NSMF: variants seen among roughly 807,000 people sequenced by gnomAD.
NSMF encodes NMDA receptor synaptonuclear signaling and neuronal migration factor.
A neutral mutation model predicts 71.0 loss-of-function variants in NSMF; 31 were observed. That is an observed-to-expected ratio of 0.44 (90% CI 0.33 to 0.59). NSMF has a LOEUF of 0.59. Ranked by LOEUF, NSMF falls within the 20% of genes least tolerant of loss-of-function variation. The pLI is 0.04. For synonymous variants in NSMF, 345 were observed against 287.1 expected (o/e 1.20, Z -2.04); for missense variants, 673 against 740.5 (o/e 0.91, Z 1.06).
rs1323533833 is a variant in NSMF at position 137,453,441 on chromosome 9, C to A, written c.923-261G>T. On this transcript the variant is annotated intron_variant, in intron 8 of 15. Transcript: ENST00000371475. This position sits in a 1 kb window ranked among gnomAD's most constrained non-coding sequence, Gnocchi z 4.5. ...ATCAGCTCCAGCCAAGTCCGCCGGG[C>A]GCCTGGGAGGGAGTGGGGGCGGGCA... 1.6e-6 allele frequency: 1 copy of A among 606,906 alleles called. No homozygotes were observed. Among genetic ancestry groups the A allele is most frequent in the South Asian group, 2.0e-5 (1 of 50,666 alleles). 37.6% of individuals were successfully genotyped at this position (606,906 alleles called of 1,614,324 possible). A position where few individuals can be genotyped will look rare whatever the true frequency, so the allele number is the denominator to read the frequency against.
rs761298758 is a variant in NSMF at position 137,453,687 on chromosome 9, G to A, written c.922+44C>T. 1 of 1,506,174 alleles carries A rather than the reference G, an allele frequency of 6.6e-7. No homozygotes were observed. The highest frequency in any genetic ancestry group is 9.0e-7 in the Non-Finnish European group (1 of 1,106,378). The allele number at this position is 1,506,174 out of a possible 1,614,324, so 93.3% of individuals were successfully genotyped here. On this transcript the variant is annotated intron_variant, in intron 8 of 15. Coordinates refer to ENST00000371475, the MANE Select transcript of NSMF (RefSeq NM_001130969.3). The surrounding 1 kb of genome is among the most constrained non-coding windows in gnomAD (Gnocchi z 4.5). ...CCCCCAGCAGGGGTCTGGGGTCTAG[G>A]GGAGGCTCTGGGGAAGGTGGGCGGG... is the stretch of plus-strand genomic sequence containing the variant.
In NSMF at chr9:137,453,342, T is replaced by G; in HGVS notation, c.923-162A>C. 2 of 939,458 alleles carry G rather than the reference T, an allele frequency of 2.1e-6. No individual in the cohort carries two copies. Among genetic ancestry groups the G allele is most frequent in the Admixed American group, 4.4e-5 (2 of 45,008 alleles). The allele number at this position is 939,458 out of a possible 1,614,324, so 58.2% of individuals were successfully genotyped here. On this transcript the variant is annotated intron_variant, in intron 8 of 15. Transcript: ENST00000371475. This position sits in a 1 kb window ranked among gnomAD's most constrained non-coding sequence, Gnocchi z 4.5. ...CCGCCAGCCCGGCAGGACAGGCCTG[T>G]GGACACCACTGGGCAGCGGCCTGAT...
At chr9:137,456,204 G>A (rs989634788) in intron 4 of NSMF, among the ~76,000 whole-genome samples, 6 of 147,690 alleles carry the variant, frequency 4.1e-5, no homozygotes, top group Non-Finnish European at 5.9e-5. Context: ...GACTGTGTGT[G>A]TGTGGGGGGG....
Position 137,458,469 on chromosome 9 carries a change from C to A in NSMF, c.133+19G>T, listed in dbSNP as rs1032337115. On this transcript the variant is annotated intron_variant, in intron 2 of 15. Coordinates refer to ENST00000371475, the MANE Select transcript of NSMF (RefSeq NM_001130969.3). ...CTGGGGGGTCTGGGCGGCCCTGGCACGGCCTCGCGTGCCCCTACCTGCGCC... is the reference window on the plus strand; with the variant it reads ...CTGGGGGGTCTGGGCGGCCCTGGCAAGGCCTCGCGTGCCCCTACCTGCGCC... 5 of 1,568,090 alleles carry A rather than the reference C, an allele frequency of 3.2e-6. No individual in the cohort carries two copies. Among genetic ancestry groups the A allele is most frequent in the African/African-American group, 1.4e-5 (1 of 73,874 alleles).
rs531589447 is a variant in NSMF at position 137,458,293 on chromosome 9, G to A, written c.133+195C>T. On this transcript the variant is annotated intron_variant, in intron 2 of 15. Coordinates refer to ENST00000371475, the MANE Select transcript of NSMF (RefSeq NM_001130969.3). ...TGCCAACGGCCCAGGCGGGGTGGGTGCCATGGTGACGAGCGGCTGGGAACT... is the reference window on the plus strand; with the variant it reads ...TGCCAACGGCCCAGGCGGGGTGGGTACCATGGTGACGAGCGGCTGGGAACT... 6.7e-4 allele frequency among the ~76,000 whole-genome samples: 102 copies of A among 152,308 alleles called. 1 individual carries two copies. The highest frequency in any genetic ancestry group is 4.4e-3 in the Admixed American group (67 of 15,308).
At position 137,459,331 on chromosome 9, in the gene NSMF, A is replaced by T. The variant is rs28624979; in HGVS notation, c.-229T>A. Reference sequence around the variant, plus strand: ...GCCGCTCCCGGGAGAGCGCTGCCCGAACCGAGGGCCGGCCCCGCCCATCGT... The same window carrying T: ...GCCGCTCCCGGGAGAGCGCTGCCCGTACCGAGGGCCGGCCCCGCCCATCGT... On this transcript the variant is annotated 5_prime_UTR_variant, in exon 1 of 16. Coordinates refer to ENST00000371475, the MANE Select transcript of NSMF (RefSeq NM_001130969.3). The T allele has an allele frequency of 6.0e-6, 1 of 165,964 alleles. No homozygotes were observed. The highest frequency in any genetic ancestry group is 6.5e-5 in the Admixed American group (1 of 15,462). 10.3% of individuals were successfully genotyped at this position (165,964 alleles called of 1,614,324 possible). A position where few individuals can be genotyped will look rare whatever the true frequency, so the allele number is the denominator to read the frequency against.
intron 9 of NSMF, 114 bp downstream of exon 9, chr9:137,452,942 C>A: frequency 6.4e-7 from 1 of 1,571,302 alleles, no homozygotes; most frequent in Non-Finnish European, 8.7e-7. Flanking sequence ...TGTGAGACAC[C>A]CTCCCCCAGG....
Position 137,449,844 on chromosome 9 carries a change from G to A in NSMF, c.1419+79C>T, listed in dbSNP as rs1839826506. 8.6e-6 allele frequency: 12 copies of A among 1,402,120 alleles called. No homozygotes were observed. In the South Asian group the frequency reaches 1.3e-4, roughly 15 times the overall value. 86.9% of individuals were successfully genotyped at this position (1,402,120 alleles called of 1,614,324 possible). On this transcript the variant is annotated intron_variant, in intron 14 of 15. Coordinates refer to ENST00000371475, the MANE Select transcript of NSMF (RefSeq NM_001130969.3). ...CCGGGGGAAGGAAAAAAAATGCCAG[G>A]AAACATGGAAGGCTCTGCCCTGTCT...
chr9:137,452,303 T>G, intron 12 of NSMF, 62 bp downstream of exon 12: 3 of 1,100,148 alleles, frequency 2.7e-6, no homozygotes, highest in Non-Finnish European at 3.7e-6. Flanking sequence ...CTTCTTCCCC[T>G]TGGTCTTCCC....
rs922856223 is a variant in NSMF at position 137,449,220 on chromosome 9, G to A, written c.*174C>T. On this transcript the variant is annotated 3_prime_UTR_variant, in exon 16 of 16. Transcript: ENST00000371475. ...CAGGGACTGCAGCCTCTGCGGCCAC[G>A]GGTGCAGCGAGGACCGGAACCCACA... The A allele has an allele frequency of 1.8e-4, 113 of 636,518 alleles. No homozygotes were observed. The East Asian group carries it at 3.0e-3, about 17-fold the overall frequency. 39.4% of individuals were successfully genotyped at this position (636,518 alleles called of 1,614,324 possible).
intron 1 of NSMF, 76 bp from the exon 2 acceptor site, chr9:137,458,625 G>T: frequency 7.2e-7 from 1 of 1,390,348 alleles, no homozygotes; most frequent in Non-Finnish European, 9.9e-7. Flanking sequence ...AGAGCCGGGG[G>T]TCCGGTCCCC....
rs1314912555 is a variant in NSMF, at chr9:137,457,737, G to C, written c.298C>G (p.Arg100Gly). 4 of 1,557,564 alleles carry C rather than the reference G, an allele frequency of 2.6e-6. No individual in the cohort carries two copies. In the South Asian group the frequency reaches 3.5e-5, roughly 14 times the overall value. Residue 100 changes from arginine to glycine, a missense_variant, in exon 3 of 16, where the codon CGA becomes GGA. Physicochemically the swap from Arg to Gly is moderately radical, Grantham distance 125. Coordinates refer to ENST00000371475, the MANE Select transcript of NSMF (RefSeq NM_001130969.3). ...RKPAGEGPQP[R>G]VYTISGEPAL... is the part of the protein sequence containing the mutation. ...GGCTCCCCAGAGATGGTGTACACTC[G>C]AGGCTGAGGGCCCTCGCCTGCGGGC... is the stretch of plus-strand genomic sequence containing the variant.
At position 137,459,217 on chromosome 9, in the gene NSMF, C is replaced by T. The variant is rs1378130358; in HGVS notation, c.-115G>A. On this transcript the variant is annotated 5_prime_UTR_variant, in exon 1 of 16. Coordinates refer to ENST00000371475, the MANE Select transcript of NSMF (RefSeq NM_001130969.3). ...GCTCGGGCTCGGGCTCGGGGTCTCGCTCGGGCTCCGGCTCGGGCTTGGGCT... is the reference window on the plus strand; with the variant it reads ...GCTCGGGCTCGGGCTCGGGGTCTCGTTCGGGCTCCGGCTCGGGCTTGGGCT... 3 of 770,380 alleles carry T rather than the reference C, an allele frequency of 3.9e-6. No homozygotes were observed. Among genetic ancestry groups the T allele is most frequent in the African/African-American group, 3.8e-5 (2 of 53,134 alleles). 47.7% of individuals were successfully genotyped at this position (770,380 alleles called of 1,614,324 possible).
chr9:137,453,803 C>G lies in NSMF; in HGVS notation c.850G>C (p.Glu284Gln), dbSNP rs1477685228. Reference sequence around the variant, plus strand: ...CTCCAGGACCGGCTGAAGCTCCGCTCGCGCCGCTCAGCGAACGCTGCAGAG... The same window carrying G: ...CTCCAGGACCGGCTGAAGCTCCGCTGGCGCCGCTCAGCGAACGCTGCAGAG... ...VKAQTFAERR[E>Q]RSFSRSWSDP... The change falls in exon 8 of 16, where the codon GAG becomes CAG. Residue 284 changes from glutamate to glutamine, a missense_variant. By Grantham distance (29) the Glu-to-Gln change is conservative. Coordinates refer to ENST00000371475, the MANE Select transcript of NSMF (RefSeq NM_001130969.3). This position sits in a 1 kb window ranked among gnomAD's most constrained non-coding sequence, Gnocchi z 4.5. 8 of 1,595,222 alleles carry G rather than the reference C, an allele frequency of 5.0e-6. No individual in the cohort carries two copies. The highest frequency in any genetic ancestry group is 6.8e-6 in the Non-Finnish European group (8 of 1,176,954).
Position 137,453,007 on chromosome 9 carries a change from C to G in NSMF, c.1047+49G>C. ...AGAGCTGGCTGGACTCGGGTTGGGG[C>G]GGAGTCCTGCTCGGGGTGTAGAGGA... On this transcript the variant is annotated intron_variant, in intron 9 of 15. Coordinates refer to ENST00000371475, the MANE Select transcript of NSMF (RefSeq NM_001130969.3). This position sits in a 1 kb window ranked among gnomAD's most constrained non-coding sequence, Gnocchi z 4.5. 1 of 1,609,310 alleles carries G rather than the reference C, an allele frequency of 6.2e-7. No homozygotes were observed. The highest frequency in any genetic ancestry group is 1.3e-5 in the African/African-American group (1 of 75,008).
At chr9:137,454,876 T>G (rs1462808070) in intron 6 of NSMF, 7 of 516,280 alleles carry the variant, frequency 1.4e-5, no homozygotes, top group African/African-American at 2.1e-5. Flanking sequence ...TCTGTGTCCT[T>G]GAGCCACCTC....
rs1239783794 is a variant in NSMF, at chr9:137,453,763, A to G, written c.890T>C (p.Met297Thr). The G allele has an allele frequency of 6.2e-7, 1 of 1,601,764 alleles. No homozygotes were observed. Among genetic ancestry groups the G allele is most frequent in the African/African-American group, 1.3e-5 (1 of 74,882 alleles). Residue 297 changes from methionine to threonine, a missense_variant, in exon 8 of 16, where the codon ATG becomes ACG. Met to Thr is a moderately conservative substitution (Grantham distance 81). Coordinates refer to ENST00000371475, the MANE Select transcript of NSMF (RefSeq NM_001130969.3). The surrounding 1 kb of genome is among the most constrained non-coding windows in gnomAD (Gnocchi z 4.5). ...GGAGTCGTGGGAAGTGTCGGCTTTCATGGGGGTGGGGTCGCTCCAGGACCG... is the reference window on the plus strand; with the variant it reads ...GGAGTCGTGGGAAGTGTCGGCTTTCGTGGGGGTGGGGTCGCTCCAGGACCG... The part of the protein sequence containing the change: ...FSRSWSDPTP[M>T]KADTSHDSRD...
At position 137,459,243 on chromosome 9, in the gene NSMF, C is replaced by T. The variant is rs1222183356; in HGVS notation, c.-141G>A. 3.9e-6 allele frequency: 2 copies of T among 518,188 alleles called. No individual in the cohort carries two copies. The highest frequency in any genetic ancestry group is 5.1e-6 in the Non-Finnish European group (2 of 395,686). 32.1% of individuals were successfully genotyped at this position (518,188 alleles called of 1,614,324 possible). A position where few individuals can be genotyped will look rare whatever the true frequency, so the allele number is the denominator to read the frequency against. ...TCGGGCTCCGGCTCGGGCTTGGGCT[C>T]GGGGTCGGGCTCGGGGTCGGGCCCG... On this transcript the variant is annotated 5_prime_UTR_variant, in exon 1 of 16. Transcript: ENST00000371475.
In NSMF at chr9:137,453,038, G is replaced by T. The variant is rs1359030576; in HGVS notation, c.1047+18C>A. On this transcript the variant is annotated intron_variant, in intron 9 of 15. Transcript: ENST00000371475. This position sits in a 1 kb window ranked among gnomAD's most constrained non-coding sequence, Gnocchi z 4.5. Reference sequence around the variant, plus strand: ...CCTGCTCGGGGTGTAGAGGAGCACTGCCCGGGCTGGGCCTCACCATGACCT... The same window carrying T: ...CCTGCTCGGGGTGTAGAGGAGCACTTCCCGGGCTGGGCCTCACCATGACCT... 2 of 1,611,838 alleles carry T rather than the reference G, an allele frequency of 1.2e-6. No individual in the cohort carries two copies. The highest frequency in any genetic ancestry group is 1.7e-6 in the Non-Finnish European group (2 of 1,179,884).
Sources: gnomAD v4.1 joint callset for allele counts (sites outside exome capture counted in the v4.1 genomes callset) on GRCh38, gnomAD v4.1.1 for gene constraint, Gnocchi (gnomAD v3.1) non-coding constraint, MANE v1.5 for transcripts, NCBI Gene and HGNC (gene_info 2026-07-23, HGNC 2026-07-21) for gene names.